The following CSMD1 variants were observed in gnomAD, a reference collection of about 807,000 sequenced individuals.
The protein encoded by CSMD1 is CUB and sushi domain-containing protein 1.
In CSMD1, 213 loss-of-function variants were observed where a neutral mutation model predicts 417.5. The ratio of observed to expected loss-of-function variants is 0.51; its 90% CI spans 0.46 to 0.57. CSMD1 has a LOEUF of 0.57. Ranked by LOEUF, CSMD1 falls within the 20% of genes least tolerant of loss-of-function variation. The pLI, the probability that CSMD1 is intolerant of heterozygous loss-of-function variation, is 0.00. For missense variants in CSMD1, 6,923 were observed against 4,529.7 expected (o/e 1.53, Z -15.17); for synonymous variants, 2,862 against 1,736.8 (o/e 1.65, Z -16.11).
intron 2 of CSMD1, among the ~76,000 whole-genome samples, chr8:4,481,685 G>A (rs1725122): frequency 0.86 from 130,164 of 152,180 alleles, 55,955 homozygotes; most frequent in Middle Eastern, 0.94. Flanking sequence ...AAATGCTTCA[G>A]GACTCAGTCT....
chr8:4,124,263 C>A (rs533542827), intron 3 of CSMD1, among the ~76,000 whole-genome samples: 44 of 152,240 alleles, frequency 2.9e-4, no homozygotes, highest in African/African-American at 1.0e-3. Context: ...ACAGTAAGCA[C>A]TGACTGGCAA....
intron 49 of CSMD1, among the ~76,000 whole-genome samples, chr8:3,058,454 A>C (rs1218065760): frequency 6.6e-6 from 1 of 152,174 alleles, no homozygotes; most frequent in Non-Finnish European, 1.5e-5. Flanking sequence ...GAAAACAATC[A>C]CTAGTTAATT....
intron 5 of CSMD1, among the ~76,000 whole-genome samples, chr8:3,899,084 G>T (rs1037798515): frequency 6.6e-6 from 1 of 152,110 alleles, no homozygotes; most frequent in Non-Finnish European, 1.5e-5. Context: ...AATAGAGAAG[G>T]GTTCATCTCT....
chr8:3,592,138 G>T (rs1256737673), intron 8 of CSMD1, among the ~76,000 whole-genome samples: 2 of 152,146 alleles, frequency 1.3e-5, no homozygotes, highest in East Asian at 3.9e-4. Context: ...ATAGATGAAT[G>T]GATAGGTAAG....
chr8:3,359,119 G>A lies in CSMD1; in HGVS notation c.3304+33C>T, dbSNP rs139668144. ...TGCCTGGGCTAGACCCTGCCCCCATGGATGAATGAAATGAAAGCGTGTGAC... is the reference window on the plus strand; with the variant it reads ...TGCCTGGGCTAGACCCTGCCCCCATAGATGAATGAAATGAAAGCGTGTGAC... On this transcript the variant is annotated intron_variant, in intron 21 of 69. Transcript: ENST00000635120. 196 of 1,608,466 alleles carry A rather than the reference G, an allele frequency of 1.2e-4. No individual in the cohort carries two copies. In the African/African-American group the frequency reaches 2.4e-3, roughly 19 times the overall value.
intron 4 of CSMD1, among the ~76,000 whole-genome samples, chr8:4,026,078 C>T (rs1364093053): frequency 6.6e-6 from 1 of 151,458 alleles, no homozygotes; most frequent in Admixed American, 6.6e-5. Flanking sequence ...TTTGGGGAAG[C>T]AGAATATATA....
intron 5 of CSMD1, among the ~76,000 whole-genome samples, chr8:3,893,849 TAA>T (rs1324393997): frequency 1.3e-5 from 2 of 152,072 alleles, no homozygotes; most frequent in African/African-American, 4.8e-5. Context: ...CTTTGTTCAT[TAA>T]AATAGTAAAA....
intron 5 of CSMD1, among the ~76,000 whole-genome samples, chr8:3,755,334 A>T (rs1797597025): frequency 6.6e-6 from 1 of 152,238 alleles, no homozygotes; most frequent in Non-Finnish European, 1.5e-5. Flanking sequence ...AAGGGTCGAA[A>T]GATGATAGAG....
At chr8:4,533,613 T>C (rs533531382) in intron 2 of CSMD1, among the ~76,000 whole-genome samples, 3 of 151,964 alleles carry the variant, frequency 2.0e-5, no homozygotes, top group South Asian at 2.1e-4. Flanking sequence ...AACAAGAAAA[T>C]AACCCACTAA....
intron 3 of CSMD1, among the ~76,000 whole-genome samples, chr8:4,168,272 T>C (rs966237300): frequency 2.0e-5 from 3 of 151,806 alleles, no homozygotes; most frequent in Non-Finnish European, 4.4e-5. Flanking sequence ...GATGCACCTG[T>C]ACTCCCAACT....
At chr8:4,445,730 C>T (rs920280430) in intron 2 of CSMD1, among the ~76,000 whole-genome samples, 2 of 152,150 alleles carry the variant, frequency 1.3e-5, no homozygotes, top group Admixed American at 6.5e-5. Context: ...CGTAACGTTG[C>T]ATTAAGTATC....
chr8:4,592,627 T>C (rs1047092621), intron 2 of CSMD1, among the ~76,000 whole-genome samples: 5 of 152,150 alleles, frequency 3.3e-5, no homozygotes, highest in African/African-American at 1.2e-4. Context: ...TCCCAAGTGA[T>C]CCGCCTGTCT....
intron 2 of CSMD1, among the ~76,000 whole-genome samples, chr8:4,622,887 A>C (rs1310490540): frequency 6.6e-6 from 1 of 152,182 alleles, no homozygotes; most frequent in Non-Finnish European, 1.5e-5. Context: ...TAAAACAACT[A>C]CTAAAATTAA....
chr8:3,242,207 A>C (rs938466463), intron 26 of CSMD1, among the ~76,000 whole-genome samples: 1 of 152,076 alleles, frequency 6.6e-6, no homozygotes. Flanking sequence ...AAGCTGGACC[A>C]GGTGTGAGGA....
At chr8:3,443,017 CT>C (rs938990459) in intron 12 of CSMD1, among the ~76,000 whole-genome samples, 25 of 152,232 alleles carry the variant, frequency 1.6e-4, no homozygotes, top group African/African-American at 6.0e-4. Context: ...TTGCATATTT[CT>C]GTTTAAAATG....
At chr8:3,157,096 G>A (rs748364093) in intron 39 of CSMD1, among the ~76,000 whole-genome samples, 25 of 152,084 alleles carry the variant, frequency 1.6e-4, no homozygotes, top group Non-Finnish European at 2.4e-4. Flanking sequence ...TGTGGGTTGC[G>A]GGTAAGGAGT....
intron 3 of CSMD1, among the ~76,000 whole-genome samples, chr8:4,369,046 A>T (rs1195531766): frequency 6.6e-6 from 1 of 152,032 alleles, no homozygotes; most frequent in Non-Finnish European, 1.5e-5. Context: ...TTAGGTTGCT[A>T]ATTTAAGATC....
At chr8:4,045,134 C>T (rs2130658629) in intron 3 of CSMD1, among the ~76,000 whole-genome samples, 1 of 152,282 alleles carries the variant, frequency 6.6e-6, no homozygotes, top group Non-Finnish European at 1.5e-5. Flanking sequence ...CACCTGTGCC[C>T]TCCCACCTGC....
chr8:4,963,475 C>G (rs572377873), intron 1 of CSMD1, among the ~76,000 whole-genome samples: 1 of 152,178 alleles, frequency 6.6e-6, no homozygotes. Context: ...GCTGGGATTA[C>G]AGGGGTGAGA....
Sources: gnomAD v4.1 joint callset for allele counts (sites outside exome capture counted in the v4.1 genomes callset) on GRCh38, gnomAD v4.1.1 for gene constraint, MANE v1.5 for transcripts, NCBI Gene and HGNC (gene_info 2026-07-23, HGNC 2026-07-21) for gene names.